Variants in SHISAL2A observed in about 807,000 individuals in gnomAD.
SHISAL2A encodes the protein shisa like 2A, also known as protein shisa-like-2A.
A neutral mutation model predicts 11.5 loss-of-function variants in SHISAL2A; 18 were observed. The ratio of observed to expected loss-of-function variants is 1.57; its 90% CI spans 1.08 to 2.33. SHISAL2A has a LOEUF of 2.33. Ranked by LOEUF, SHISAL2A falls within the 30% of genes most tolerant of loss-of-function variation. The pLI is 0.00. For missense variants in SHISAL2A, 261 were observed against 250.9 expected (o/e 1.04, Z -0.27); for synonymous variants, 94 against 99.6 (o/e 0.94, Z 0.34).
At chr1:52,645,621 C>T (rs1181020314) in intron 2 of SHISAL2A, among the ~76,000 whole-genome samples, 1 of 152,148 alleles carries the variant, frequency 6.6e-6, no homozygotes, top group African/African-American at 2.4e-5. Flanking sequence ...CCTGCTCAGG[C>T]TAGTCTCAAA....
chr1:52,656,978 A>G lies in SHISAL2A; in HGVS notation c.511A>G (p.Ile171Val). 7 of 1,614,194 alleles carry G rather than the reference A, an allele frequency of 4.3e-6. No homozygotes were observed. The highest frequency in any genetic ancestry group is 5.9e-6 in the Non-Finnish European group (7 of 1,180,024). The change falls in exon 3 of 3, where the codon ATT becomes GTT. Residue 171 changes from isoleucine to valine, a missense_variant. Transcript: ENST00000517870. ...CATGGCCACAGTGACCACCAGTGAC[A>G]TTCCAGGCAGCCCTGAGGAAGCCTC... ...CFMATVTTSD[I>V]PGSPEEASVP...
chr1:52,633,706 AC>A lies in SHISAL2A; in HGVS notation c.182+35del. Reference sequence around the variant, plus strand: ...GTCCCTGGCCCTCACCCTACCTTGAACCCCACTCCAGTCTCAGCGCCTTCAC... The same window carrying A: ...GTCCCTGGCCCTCACCCTACCTTGAACCCACTCCAGTCTCAGCGCCTTCAC... On this transcript the variant is annotated intron_variant, in intron 1 of 2. Coordinates refer to ENST00000517870, the MANE Select transcript of SHISAL2A (RefSeq NM_001042693.3). This position sits in a 1 kb window ranked among gnomAD's most constrained non-coding sequence, Gnocchi z 6.4. 1 of 1,567,328 alleles carries A rather than the reference AC, an allele frequency of 6.4e-7. No individual in the cohort carries two copies. The highest frequency in any genetic ancestry group is 2.4e-5 in the East Asian group (1 of 41,172).
chr1:52,639,773 T>A (rs1052538771), intron 1 of SHISAL2A, among the ~76,000 whole-genome samples: 2 of 151,878 alleles, frequency 1.3e-5, no homozygotes, highest in Admixed American at 6.6e-5. Flanking sequence ...ACAAAACATA[T>A]TAAAATCTAA....
At chr1:52,667,971 T>C (rs1482119852) in intron 5 of SHISAL2A, among the ~76,000 whole-genome samples, 2 of 152,136 alleles carry the variant, frequency 1.3e-5, no homozygotes, top group African/African-American at 2.4e-5. Flanking sequence ...CATTTCAAAG[T>C]TGAAGTAACT....
chr1:52,659,098 T>G (rs1186469937), downstream of SHISAL2A, among the ~76,000 whole-genome samples: 1 of 151,864 alleles, frequency 6.6e-6, no homozygotes, highest in Non-Finnish European at 1.5e-5. Flanking sequence ...TGAGACAGTC[T>G]CATTCTGTCA....
At chr1:52,658,021 G>A (rs151221628), downstream of SHISAL2A, among the ~76,000 whole-genome samples, 2 of 149,046 alleles carry the variant, frequency 1.3e-5, no homozygotes, top group African/African-American at 5.0e-5. Context: ...AACTCACTTC[G>A]TAAACATTAA....
At chr1:52,647,939 G>A (rs1238171975) in intron 2 of SHISAL2A, among the ~76,000 whole-genome samples, 4 of 150,874 alleles carry the variant, frequency 2.7e-5, no homozygotes, top group Non-Finnish European at 5.9e-5. Context: ...TTAAAAGTGA[G>A]AAGGTTGGAA....
At chr1:52,663,280 C>T (rs1238100085) in intron 4 of SHISAL2A, among the ~76,000 whole-genome samples, 4 of 152,122 alleles carry the variant, frequency 2.6e-5, no homozygotes, top group Non-Finnish European at 5.9e-5. Context: ...GAGGGATTTG[C>T]CCCAGACCCC....
At chr1:52,657,714 AT>A (rs1408038902), downstream of SHISAL2A, among the ~76,000 whole-genome samples, 1 of 152,102 alleles carries the variant, frequency 6.6e-6, no homozygotes, top group African/African-American at 2.4e-5. Context: ...AATTAGCCAC[AT>A]GTGGTGGCTT....
exon 6 of SHISAL2A, chr1:52,669,556 C>T (rs1692071853): frequency 6.6e-6 from 1 of 151,016 alleles, no homozygotes; most frequent in South Asian, 2.1e-4. Flanking sequence ...AACCTAGCTA[C>T]TTGAGAGGCT....
chr1:52,643,059 G>C, intron 2 of SHISAL2A, 57 bp downstream of exon 2: 1 of 1,541,166 alleles, frequency 6.5e-7, no homozygotes, highest in Non-Finnish European at 8.9e-7. Context: ...CTTTTCAAGG[G>C]GGGAGAAATG....
chr1:52,643,313 T>C (rs1357182055), intron 2 of SHISAL2A, among the ~76,000 whole-genome samples: 1 of 152,222 alleles, frequency 6.6e-6, no homozygotes, highest in Non-Finnish European at 1.5e-5. Flanking sequence ...GATTTTAATA[T>C]TAACCCAAAC....
intron 4 of SHISAL2A, among the ~76,000 whole-genome samples, chr1:52,663,930 C>T (rs969400467): frequency 2.0e-5 from 3 of 151,854 alleles, no homozygotes; most frequent in Admixed American, 1.3e-4. Context: ...AAAAAGCTAT[C>T]GCAGAATGTA....
intron 2 of SHISAL2A, among the ~76,000 whole-genome samples, chr1:52,649,887 G>A (rs887362599): frequency 2.0e-5 from 3 of 152,268 alleles, no homozygotes; most frequent in Admixed American, 2.0e-4. Context: ...TCATTAGTCA[G>A]CCATTCTCAT....
intron 2 of SHISAL2A, among the ~76,000 whole-genome samples, chr1:52,648,453 G>A (rs1346358836): frequency 6.6e-6 from 1 of 152,132 alleles, no homozygotes; most frequent in African/African-American, 2.4e-5. Context: ...TTTTACAGAT[G>A]AGGAAACTGA....
intron 1 of SHISAL2A, among the ~76,000 whole-genome samples, chr1:52,634,283 C>A (rs2149870551): frequency 6.6e-6 from 1 of 152,118 alleles, no homozygotes; most frequent in Non-Finnish European, 1.5e-5. Flanking sequence ...TGCTACACCC[C>A]AACCCCAGCC....
chr1:52,649,739 A>G (rs1293867401), intron 2 of SHISAL2A, among the ~76,000 whole-genome samples: 1 of 152,186 alleles, frequency 6.6e-6, no homozygotes, highest in African/African-American at 2.4e-5. Context: ...GATTATTATC[A>G]ACTCCCATTT....
Position 52,642,928 on chromosome 1 carries a change from G to A in SHISAL2A, c.248G>A (p.Cys83Tyr), listed in dbSNP as rs768092165. Reference protein sequence around the residue: ...VVLLAFIVTACVLCYLFISSK... With the variant: ...VVLLAFIVTAYVLCYLFISSK... ...CTTCTCGCCTTCATTGTTACCGCCT[G>A]TGTGCTCTGCTACCTGTTCATCAGC... The change falls in exon 2 of 3, where the codon TGT (cysteine) becomes TAT (tyrosine). Residue 83 changes from cysteine (C) to tyrosine (Y), a missense_variant. By Grantham distance (194) the Cys-to-Tyr change is radical (BLOSUM62 -2). Transcript: ENST00000517870. 1 of 1,613,980 alleles carries A rather than the reference G, an allele frequency of 6.2e-7. No homozygotes were observed. The highest frequency in any genetic ancestry group is 8.5e-7 in the Non-Finnish European group (1 of 1,180,024).
Position 52,633,740 on chromosome 1 carries a change from T to C in SHISAL2A, c.182+65T>C. 2 of 1,388,974 alleles carry C rather than the reference T, an allele frequency of 1.4e-6. No individual in the cohort carries two copies. Among genetic ancestry groups the C allele is most frequent in the Non-Finnish European group, 2.0e-6 (2 of 993,966 alleles). 86.0% of individuals were successfully genotyped at this position (1,388,974 alleles called of 1,614,324 possible). A position where few individuals can be genotyped will look rare whatever the true frequency, so the allele number is the denominator to read the frequency against. On this transcript the variant is annotated intron_variant, in intron 1 of 2. Coordinates refer to ENST00000517870, the MANE Select transcript of SHISAL2A (RefSeq NM_001042693.3). This position sits in a 1 kb window ranked among gnomAD's most constrained non-coding sequence, Gnocchi z 6.4. ...CAGTCTCAGCGCCTTCACCCCAGCC[T>C]CAGCCCCCACCCGAGTGTCCACCTG...
Sources: allele counts gnomAD v4.1 joint callset (sites outside exome capture counted in the v4.1 genomes callset), GRCh38; gene constraint gnomAD v4.1.1; non-coding constraint Gnocchi (gnomAD v3.1); transcripts MANE v1.5; gene names NCBI Gene and HGNC (gene_info 2026-07-23, HGNC 2026-07-21).